SPIRE1: variants seen among roughly 807,000 people sequenced by gnomAD.
SPIRE1 encodes the protein protein spire homolog 1.
Under a neutral mutation model 94.1 loss-of-function variants are expected in SPIRE1, and 40 were observed. The observed-to-expected ratio is 0.43, with a 90% CI of 0.33 to 0.55. The LOEUF is 0.55. SPIRE1 is among the 20% of genes least tolerant of loss of function. The probability of loss-of-function intolerance (pLI) is 0.06; values close to 1 mark genes in which losing one functional copy is unlikely to be tolerated. For missense variants in SPIRE1, 838 were observed against 975.2 expected (o/e 0.86, Z 1.87); for synonymous variants, 376 against 371.7 (o/e 1.01, Z -0.13).
intron 2 of SPIRE1, among the ~76,000 whole-genome samples, chr18:12,584,882 C>A (rs1169396841): frequency 6.6e-6 from 1 of 152,120 alleles, no homozygotes; most frequent in Non-Finnish European, 1.5e-5. Flanking sequence ...TGGGTTCAAG[C>A]GATTCTCCTG....
chr18:12,583,006 C>T (rs1274404932), intron 2 of SPIRE1, among the ~76,000 whole-genome samples: 1 of 152,098 alleles, frequency 6.6e-6, no homozygotes. Context: ...TGGATATCTG[C>T]TTTACTAATT....
chr18:12,524,986 A>G (rs2034463849), intron 4 of SPIRE1, among the ~76,000 whole-genome samples: 1 of 151,550 alleles, frequency 6.6e-6, no homozygotes, highest in South Asian at 2.1e-4. Context: ...AAGAAGAAAA[A>G]AAAAAAGTGG....
intron 2 of SPIRE1, among the ~76,000 whole-genome samples, chr18:12,557,631 G>T (rs1328384531): frequency 6.6e-6 from 1 of 152,182 alleles, no homozygotes; most frequent in Non-Finnish European, 1.5e-5. Context: ...CAAGTGCAGC[G>T]AGAGTGGATG....
At chr18:12,625,005 C>T (rs2037580373) in intron 2 of SPIRE1, among the ~76,000 whole-genome samples, 1 of 143,458 alleles carries the variant, frequency 7.0e-6, no homozygotes, top group Admixed American at 7.4e-5. Flanking sequence ...CCCTGATAGA[C>T]ATCTATGACT....
chr18:12,484,954 T>C (rs1325802105), intron 9 of SPIRE1, among the ~76,000 whole-genome samples: 1 of 152,092 alleles, frequency 6.6e-6, no homozygotes, highest in African/African-American at 2.4e-5. Context: ...TTTAAAGTTT[T>C]AATTTATAAA....
intron 2 of SPIRE1, among the ~76,000 whole-genome samples, chr18:12,633,234 A>G (rs1480302368): frequency 6.6e-6 from 1 of 152,196 alleles, no homozygotes; most frequent in Non-Finnish European, 1.5e-5. Flanking sequence ...TTCTAACAAT[A>G]TAAAAATATT....
chr18:12,510,959 A>G (rs2034015257), intron 5 of SPIRE1, among the ~76,000 whole-genome samples: 1 of 152,208 alleles, frequency 6.6e-6, no homozygotes, highest in African/African-American at 2.4e-5. Context: ...AGGATTTAGT[A>G]CTATGCCTGA....
intron 1 of SPIRE1, among the ~76,000 whole-genome samples, chr18:12,638,351 G>A (rs2037993787): frequency 6.6e-6 from 1 of 152,204 alleles, no homozygotes; most frequent in Non-Finnish European, 1.5e-5. Context: ...AGCTGAGGAA[G>A]GAGGATCACT....
chr18:12,599,894 TCTAA>T (rs1333420014), intron 2 of SPIRE1, among the ~76,000 whole-genome samples: 3 of 152,060 alleles, frequency 2.0e-5, no homozygotes, highest in Non-Finnish European at 4.4e-5. Flanking sequence ...GTGAAGTGCT[TCTAA>T]CTGACAGAAT....
chr18:12,620,994 G>T (rs564793165), intron 2 of SPIRE1, among the ~76,000 whole-genome samples: 5 of 152,324 alleles, frequency 3.3e-5, no homozygotes, highest in African/African-American at 1.2e-4. Flanking sequence ...GGTCAAGGCT[G>T]CAGTGAGCTG....
intron 1 of SPIRE1, among the ~76,000 whole-genome samples, chr18:12,638,846 G>A (rs8093532): frequency 0.56 from 85,184 of 151,824 alleles, 25,022 homozygotes; most frequent in Middle Eastern, 0.75. Context: ...CATCCAGGAC[G>A]TGCTGGCTTC....
chr18:12,570,549 T>C (rs1485100454), intron 2 of SPIRE1, among the ~76,000 whole-genome samples: 1 of 152,224 alleles, frequency 6.6e-6, no homozygotes, highest in African/African-American at 2.4e-5. Flanking sequence ...TATATCTGTA[T>C]AGCACTTCAT....
intron 4 of SPIRE1, chr18:12,516,153 T>TTTTA (rs1187320033): frequency 6.6e-6 from 1 of 152,204 alleles, no homozygotes; most frequent in African/African-American, 2.4e-5. Context: ...ACAGCATTAA[T>TTTTA]TTTTCAAGAA....
intron 10 of SPIRE1, among the ~76,000 whole-genome samples, chr18:12,476,221 CTAAATGT>C (rs1156298733): frequency 6.6e-6 from 1 of 152,084 alleles, no homozygotes; most frequent in African/African-American, 2.4e-5. Flanking sequence ...TCTGTGTTTT[CTAAATGT>C]TAACATATGA....
At chr18:12,478,672 G>A (rs902509083) in intron 10 of SPIRE1, among the ~76,000 whole-genome samples, 1 of 152,032 alleles carries the variant, frequency 6.6e-6, no homozygotes, top group Non-Finnish European at 1.5e-5. Context: ...TTTGGCAAGT[G>A]GGTGAGGGAG....
At chr18:12,626,621 C>T (rs183538822) in intron 2 of SPIRE1, among the ~76,000 whole-genome samples, 2 of 152,220 alleles carry the variant, frequency 1.3e-5, no homozygotes, top group East Asian at 3.9e-4. Flanking sequence ...ACTAAATTAA[C>T]CATCAGCATT....
chr18:12,631,217 C>T (rs1393139729), intron 2 of SPIRE1, among the ~76,000 whole-genome samples: 2 of 151,552 alleles, frequency 1.3e-5, no homozygotes, highest in African/African-American at 4.9e-5. Flanking sequence ...GCCCAAAGAG[C>T]TTTTTTTTAA....
chr18:12,615,345 A>AAAAAAATAAAAAAAAAT lies in SPIRE1; in HGVS notation c.372+19716_372+19717insATTTTTTTTTATTTTTT. Among the ~76,000 whole-genome samples, 109 of 17,250 alleles carry AAAAAAATAAAAAAAAAT rather than the reference A, an allele frequency of 6.3e-3. 7 individuals are homozygous for AAAAAAATAAAAAAAAAT. Among genetic ancestry groups the AAAAAAATAAAAAAAAAT allele is most frequent in the South Asian group, 0.016 (6 of 364 alleles). 11.3% of individuals were successfully genotyped at this position (17,250 alleles called of 152,430 possible). A position where few individuals can be genotyped will look rare whatever the true frequency, so the allele number is the denominator to read the frequency against. ...TCTGTCTCAAAAAAAAAAAAAAAAAAATATATATATATATATATATATATA... is the reference window on the plus strand; with the variant it reads ...TCTGTCTCAAAAAAAAAAAAAAAAAAAAAAAATAAAAAAAAATATATATATATATATATATATATATA... On this transcript the variant is annotated intron_variant, in intron 2 of 16. Transcript: ENST00000409402.
chr18:12,595,990 C>T (rs1191279583), intron 2 of SPIRE1, among the ~76,000 whole-genome samples: 3 of 152,212 alleles, frequency 2.0e-5, no homozygotes, highest in South Asian at 4.1e-4. Context: ...ATTTACAATG[C>T]AGTATTGATG....
Sources: gnomAD v4.1 joint callset for allele counts (sites outside exome capture counted in the v4.1 genomes callset) on GRCh38, gnomAD v4.1.1 for gene constraint, MANE v1.5 for transcripts, NCBI Gene and HGNC (gene_info 2026-07-23, HGNC 2026-07-21) for gene names.